RHPN2: variants seen among roughly 807,000 people sequenced by gnomAD.
RHPN2 encodes the protein rhophilin Rho GTPase binding protein 2.
RHPN2 carries 40 observed loss-of-function variants against 79.0 expected under a neutral mutation model. The observed-to-expected ratio is 0.51, with a 90% confidence interval of 0.39 to 0.66. RHPN2 has a LOEUF of 0.66. Among genes scored for constraint, RHPN2 ranks in the 30% least tolerant of loss-of-function variants. The pLI is 0.00. For synonymous variants in RHPN2, 285 were observed against 363.5 expected (o/e 0.78, Z 2.46); for missense variants, 686 against 883.5 (o/e 0.78, Z 2.83).
At chr19:33,044,406 C>A (rs745702803) in intron 1 of RHPN2, 42 bp from the exon 2 acceptor site, 1 of 1,312,358 alleles carries the variant, frequency 7.6e-7, no homozygotes, top group East Asian at 2.3e-5. Flanking sequence ...GTCGGCCACT[C>A]TAAAAATGAT....
At chr19:33,030,151 G>A (rs917777227) in intron 2 of RHPN2, among the ~76,000 whole-genome samples, 2 of 152,074 alleles carry the variant, frequency 1.3e-5, no homozygotes, top group Non-Finnish European at 2.9e-5. Context: ...CCCTCACCAC[G>A]TGTGACAACA....
chr19:33,015,088 C>T (rs1051401191), intron 4 of RHPN2, among the ~76,000 whole-genome samples: 7 of 151,780 alleles, frequency 4.6e-5, no homozygotes, highest in Non-Finnish European at 8.8e-5. Context: ...GAATTTGAAA[C>T]TTAGTAAACT....
At chr19:32,989,415 G>A (rs1336393405) in intron 14 of RHPN2, among the ~76,000 whole-genome samples, 1 of 152,036 alleles carries the variant, frequency 6.6e-6, no homozygotes, top group Non-Finnish European at 1.5e-5. Context: ...GCCTCACGTG[G>A]GGAAAATTAA....
chr19:32,981,473 G>A (rs1371556794), intron 14 of RHPN2, among the ~76,000 whole-genome samples: 4 of 141,390 alleles, frequency 2.8e-5, no homozygotes, highest in East Asian at 2.1e-4. Context: ...GGAAGGAAAG[G>A]GAAGAGGAGA....
chr19:33,049,105 C>T (rs909537545), intron 1 of RHPN2, among the ~76,000 whole-genome samples: 9 of 152,072 alleles, frequency 5.9e-5, no homozygotes, highest in Non-Finnish European at 1.2e-4. Context: ...TAATTGGGCC[C>T]GAAACCACAT....
At chr19:33,007,217 T>C (rs1971798414) in intron 7 of RHPN2, among the ~76,000 whole-genome samples, 1 of 151,744 alleles carries the variant, frequency 6.6e-6, no homozygotes, top group Non-Finnish European at 1.5e-5. Flanking sequence ...CAGGGTGCGG[T>C]GGCTCATGCC....
At chr19:32,992,609 G>A (rs1971669827) in intron 12 of RHPN2, among the ~76,000 whole-genome samples, 1 of 152,184 alleles carries the variant, frequency 6.6e-6, no homozygotes, top group African/African-American at 2.4e-5. Flanking sequence ...AGGGGTTTGA[G>A]ACCAGCCTAG....
At chr19:33,063,018 C>A (rs903916405) in intron 1 of RHPN2, among the ~76,000 whole-genome samples, 1 of 151,984 alleles carries the variant, frequency 6.6e-6, no homozygotes, top group Non-Finnish European at 1.5e-5. Flanking sequence ...AGAGCTACAC[C>A]TGCTCAGAGA....
At chr19:33,034,049 G>A (rs1383727956) in intron 2 of RHPN2, among the ~76,000 whole-genome samples, 3 of 122,760 alleles carry the variant, frequency 2.4e-5, no homozygotes, top group Non-Finnish European at 4.9e-5. Context: ...TAGAGTCAGG[G>A]GTCTAAACAT....
Position 33,031,796 on chromosome 19 carries a change from C to T in RHPN2, c.186-5164G>A, listed in dbSNP as rs146761904. Among the ~76,000 whole-genome samples the T allele has an allele frequency of 6.8e-4, 103 of 152,088 alleles. No individual in the cohort carries two copies. The East Asian group carries it at 0.017, about 25-fold the overall frequency. On this transcript the variant is annotated intron_variant, in intron 2 of 14. Coordinates refer to ENST00000254260, the MANE Select transcript of RHPN2 (RefSeq NM_033103.5). Reference sequence around the variant, plus strand: ...TCACGGGTTCCAGTGATTCTCCTGCCTCAGCCTCCCGAGTAGCTGGGACAG... The same window carrying T: ...TCACGGGTTCCAGTGATTCTCCTGCTTCAGCCTCCCGAGTAGCTGGGACAG...
chr19:33,007,809 C>T (rs934166112), intron 7 of RHPN2, among the ~76,000 whole-genome samples: 2 of 151,648 alleles, frequency 1.3e-5, no homozygotes, highest in African/African-American at 4.8e-5. Flanking sequence ...GTGATCCACC[C>T]GCTTTGGCCT....
chr19:32,992,579 C>G (rs1462770239), intron 12 of RHPN2, among the ~76,000 whole-genome samples: 2 of 152,174 alleles, frequency 1.3e-5, no homozygotes. Context: ...GTGACCAAGG[C>G]AGAAGGATCG....
chr19:33,062,686 T>C (rs1972290515), intron 1 of RHPN2, among the ~76,000 whole-genome samples: 1 of 151,062 alleles, frequency 6.6e-6, no homozygotes, highest in Admixed American at 6.6e-5. Flanking sequence ...CAGAACTGCT[T>C]GAACCCCGGA....
intron 2 of RHPN2, among the ~76,000 whole-genome samples, chr19:33,031,088 T>C (rs1972006652): frequency 1.3e-5 from 2 of 152,172 alleles, no homozygotes; most frequent in African/African-American, 4.8e-5. Context: ...GGAAGAGGTG[T>C]ACACGGCAAG....
chr19:33,028,235 C>T (rs1040147244), intron 2 of RHPN2, among the ~76,000 whole-genome samples: 19 of 150,782 alleles, frequency 1.3e-4, no homozygotes, highest in African/African-American at 4.6e-4. Context: ...TGGCTTACTA[C>T]AGCCTCAACC....
At position 33,011,816 on chromosome 19, in the gene RHPN2, G is replaced by C; in HGVS notation, c.469-13C>G. 6.2e-7 allele frequency: 1 copy of C among 1,613,938 alleles called. No homozygotes were observed. Among genetic ancestry groups the C allele is most frequent in the Non-Finnish European group, 8.5e-7 (1 of 1,179,852 alleles). On this transcript the variant is annotated splice_polypyrimidine_tract_variant and intron_variant, in intron 5 of 14. Transcript: ENST00000254260. ...GCGTCCGACAAGCCTGCAAGGAAAA[G>C]AACCCAAGAGGGCATGAGCAGAGGA...
Position 33,026,643 on chromosome 19 carries a change from A to C in RHPN2, c.186-11T>G, listed in dbSNP as rs777105885. 236 of 1,603,398 alleles carry C rather than the reference A, an allele frequency of 1.5e-4. No individual in the cohort carries two copies. Among genetic ancestry groups the C allele is most frequent in the Non-Finnish European group, 1.9e-4 (225 of 1,178,072 alleles). ...GAGTTTGTGGCCACTCTGTTCAAAG[A>C]GAAGAGGGAGAGAAGTGCCCTCAGC... On this transcript the variant is annotated splice_polypyrimidine_tract_variant and intron_variant, in intron 2 of 14. Coordinates refer to ENST00000254260, the MANE Select transcript of RHPN2 (RefSeq NM_033103.5).
chr19:32,993,820 T>C (rs1041954851), intron 12 of RHPN2, among the ~76,000 whole-genome samples, 157 bp downstream of exon 12: 1 of 152,112 alleles, frequency 6.6e-6, no homozygotes, highest in Non-Finnish European at 1.5e-5. Flanking sequence ...GTCTTGGACT[T>C]CCCAGCCTCC....
intron 1 of RHPN2, among the ~76,000 whole-genome samples, chr19:33,061,529 G>A (rs1388972052): frequency 6.6e-6 from 1 of 150,574 alleles, no homozygotes; most frequent in Non-Finnish European, 1.5e-5. Flanking sequence ...TGTTGCCCAG[G>A]CTGGAGTGCA....
Sources: allele counts gnomAD v4.1 joint callset (sites outside exome capture counted in the v4.1 genomes callset), GRCh38; gene constraint gnomAD v4.1.1; transcripts MANE v1.5; gene names NCBI Gene and HGNC (gene_info 2026-07-23, HGNC 2026-07-21).